Variants in MYH15 observed in about 807,000 individuals in gnomAD.
MYH15 encodes the protein myosin heavy chain 15.
A neutral mutation model predicts 240.5 loss-of-function variants in MYH15; 227 were observed. The observed-to-expected ratio is 0.94, with a 90% confidence interval of 0.85 to 1.05. The LOEUF is 1.05. Among genes scored for constraint, MYH15 ranks in the 50% least tolerant of loss-of-function variants. The pLI is 0.00. For synonymous variants in MYH15, 785 were observed against 796.7 expected (o/e 0.99, Z 0.25); for missense variants, 2,217 against 2,247.5 (o/e 0.99, Z 0.27).
chr3:108,530,451 G>A (rs1413641152), upstream of MYH15, among the ~76,000 whole-genome samples: 2 of 152,212 alleles, frequency 1.3e-5, no homozygotes, highest in African/African-American at 2.4e-5. Flanking sequence ...GAGATAAATA[G>A]GTGGAGCATA....
chr3:108,476,581 A>G (rs2083223404), intron 11 of MYH15, 66 bp from the exon 12 acceptor site: 1 of 1,034,278 alleles, frequency 9.7e-7, no homozygotes, highest in African/African-American at 1.6e-5. Flanking sequence ...ATTCCATTAT[A>G]GCCAAACTAA....
rs11276092 is a variant in MYH15, at chr3:108,507,264, T to TGAATATTCACATATGA, written c.89-1436_89-1435insTCATATGTGAATATTC. The stretch of plus-strand genomic sequence containing the variant: ...ATATATATATATATATATATATATA[T>TGAATATTCACATATGA]ATATATATATATACACATATGAAAA... On this transcript the variant is annotated intron_variant, in intron 1 of 40. Transcript: ENST00000693548. Among the ~76,000 whole-genome samples, 5 of 115,320 alleles carry TGAATATTCACATATGA rather than the reference T, an allele frequency of 4.3e-5. 1 individual carries two copies. Among genetic ancestry groups the TGAATATTCACATATGA allele is most frequent in the East Asian group, 2.4e-4 (1 of 4,254 alleles). The allele number at this position is 115,320 out of a possible 152,430, so 75.7% of individuals were successfully genotyped here.
upstream of MYH15, among the ~76,000 whole-genome samples, chr3:108,530,330 T>C (rs543413121): frequency 5.3e-5 from 8 of 152,312 alleles, no homozygotes; most frequent in African/African-American, 1.9e-4. Context: ...AATTAAAAAT[T>C]ACCAGGCAGA....
chr3:108,517,413 A>G (rs2083582225), intron 1 of MYH15, among the ~76,000 whole-genome samples: 1 of 151,918 alleles, frequency 6.6e-6, no homozygotes, highest in Non-Finnish European at 1.5e-5. Flanking sequence ...GCTCACCGCA[A>G]CCTCTGACTC....
chr3:108,462,394 C>T (rs142987474), intron 16 of MYH15, among the ~76,000 whole-genome samples: 8 of 151,954 alleles, frequency 5.3e-5, no homozygotes, highest in African/African-American at 1.9e-4. Context: ...TAGCCTTTTG[C>T]CATATAGTAG....
intron 11 of MYH15, among the ~76,000 whole-genome samples, chr3:108,478,092 A>G (rs1052049433): frequency 6.6e-6 from 1 of 152,092 alleles, no homozygotes; most frequent in African/African-American, 2.4e-5. Flanking sequence ...TTAATTCACT[A>G]AAGAAAAAAA....
At chr3:108,390,349 C>T (rs572304758) in intron 37 of MYH15, among the ~76,000 whole-genome samples, 1 of 152,184 alleles carries the variant, frequency 6.6e-6, no homozygotes, top group South Asian at 2.1e-4. Context: ...CATTGCTGGT[C>T]GTTGCTACTG....
intron 36 of MYH15, 140 bp from the exon 37 acceptor site, chr3:108,392,070 C>T (rs897801423): frequency 2.2e-6 from 2 of 891,002 alleles, no homozygotes; most frequent in Non-Finnish European, 3.5e-6. Flanking sequence ...TATAATCTCC[C>T]TAACCACTAC....
intron 30 of MYH15, among the ~76,000 whole-genome samples, chr3:108,413,558 T>C (rs2082610324): frequency 6.6e-6 from 1 of 152,194 alleles, no homozygotes; most frequent in African/African-American, 2.4e-5. Context: ...AGGTACAGTT[T>C]CCTGGCCTCT....
At chr3:108,396,901 T>C (rs778527933) in intron 35 of MYH15, among the ~76,000 whole-genome samples, 3 of 152,154 alleles carry the variant, frequency 2.0e-5, no homozygotes, top group Non-Finnish European at 4.4e-5. Flanking sequence ...AGGGGGAACA[T>C]TGGCATTCTG....
rs765693363 is a variant in MYH15, at chr3:108,464,784, C to A, written c.1585G>T (p.Glu529Ter). 3 of 1,611,118 alleles carry A rather than the reference C, an allele frequency of 1.9e-6. No individual in the cohort carries two copies. The highest frequency in any genetic ancestry group is 2.5e-6 in the Non-Finnish European group (3 of 1,179,040). Residue 529 changes from glutamate to a stop codon, truncating the protein, a stop_gained, in exon 15 of 41, where the codon GAG (glutamate) becomes TAG (stop). Coordinates refer to ENST00000693548, the MANE Select transcript of MYH15 (RefSeq NM_014981.3). LOFTEE classifies it high-confidence loss of function. ...TCTGTAGCCTTAGGAAACATACACT[C>A]TTCTTCAAGGATGGAAAGGATGCCC... ...PMGILSILEE[E>*]CMFPKATDLT...
chr3:108,420,814 C>A (rs2082676692), intron 28 of MYH15, among the ~76,000 whole-genome samples: 1 of 152,262 alleles, frequency 6.6e-6, no homozygotes, highest in South Asian at 2.1e-4. Context: ...CCCCTCCCAT[C>A]CTTTGATCTT....
chr3:108,539,249 CTAA>C, the MYH15 span, among the ~76,000 whole-genome samples: 2 of 152,066 alleles, frequency 1.3e-5, no homozygotes, highest in Non-Finnish European at 2.9e-5. Context: ...CAAATACATA[CTAA>C]TGAGTCCATA....
At chr3:108,385,108 T>C (rs1576199946) in intron 38 of MYH15, among the ~76,000 whole-genome samples, 1 of 152,312 alleles carries the variant, frequency 6.6e-6, no homozygotes, top group South Asian at 2.1e-4. Flanking sequence ...TAGTAGTGAA[T>C]TATCTACTGT....
At chr3:108,507,267 AT>A (rs2107248169) in intron 1 of MYH15, among the ~76,000 whole-genome samples, 3 of 120,040 alleles carry the variant, frequency 2.5e-5, no homozygotes, top group Admixed American at 8.6e-5. Flanking sequence ...ATATATATAT[AT>A]ATATATATAC....
intron 21 of MYH15, among the ~76,000 whole-genome samples, chr3:108,450,026 C>A (rs957365665): frequency 1.3e-5 from 2 of 152,004 alleles, no homozygotes; most frequent in Non-Finnish European, 2.9e-5. Flanking sequence ...TCATCTCACA[C>A]CTGTTAGAAT....
chr3:108,459,321 T>A (rs1175354516), intron 18 of MYH15, 41 bp downstream of exon 18: 3 of 1,283,198 alleles, frequency 2.3e-6, no homozygotes, highest in Non-Finnish European at 3.3e-6. Context: ...TAATATCAAA[T>A]CTATTTCCTA....
chr3:108,501,531 T>G (rs758883804), intron 3 of MYH15, among the ~76,000 whole-genome samples, 181 bp downstream of exon 3: 1 of 152,270 alleles, frequency 6.6e-6, no homozygotes, highest in East Asian at 1.9e-4. Flanking sequence ...GGAAGGCATA[T>G]GAATGTTGAC....
At chr3:108,500,580 A>C (rs192922270) in intron 3 of MYH15, among the ~76,000 whole-genome samples, 1 of 152,138 alleles carries the variant, frequency 6.6e-6, no homozygotes, top group African/African-American at 2.4e-5. Flanking sequence ...GTAACCAGCC[A>C]TCAGGCATTT....
Sources: allele counts gnomAD v4.1 joint callset (sites outside exome capture counted in the v4.1 genomes callset), GRCh38; gene constraint gnomAD v4.1.1; transcripts MANE v1.5; gene names NCBI Gene and HGNC (gene_info 2026-07-23, HGNC 2026-07-21).